RANBP2: variants seen among roughly 807,000 people sequenced by gnomAD.
RANBP2 encodes E3 SUMO-protein ligase RanBP2.
Under a neutral mutation model 303.6 loss-of-function variants are expected in RANBP2, and 57 were observed. The ratio of observed to expected loss-of-function variants is 0.19; its 90% CI spans 0.15 to 0.23. The LOEUF is 0.23. Among genes scored for constraint, RANBP2 ranks in the 10% least tolerant of loss-of-function variants. The pLI, the probability that RANBP2 is intolerant of heterozygous loss-of-function variation, is 1.00. For missense variants in RANBP2, 3,138 were observed against 3,780.8 expected (o/e 0.83, Z 4.46); for synonymous variants, 1,167 against 1,301.5 (o/e 0.90, Z 2.23).
the RANBP2 span, among the ~76,000 whole-genome samples, chr2:108,900,515 T>C: frequency 6.6e-6 from 1 of 150,538 alleles, no homozygotes; most frequent in Non-Finnish European, 1.5e-5. Flanking sequence ...GATCATGCCA[T>C]TGCACTCCAG....
At chr2:109,140,201 G>A in the RANBP2 span, among the ~76,000 whole-genome samples, 1 of 152,184 alleles carries the variant, frequency 6.6e-6, no homozygotes, top group East Asian at 1.9e-4. Flanking sequence ...CATATGGGTC[G>A]ATTGATGCAC....
chr2:108,781,235 T>A (rs749260326), intron 25 of RANBP2, 34 bp from the exon 26 acceptor site: 1 of 1,607,576 alleles, frequency 6.2e-7, no homozygotes, highest in Non-Finnish European at 8.5e-7. Flanking sequence ...AAAAAATAGA[T>A]ACTAGTGTTT....
chr2:109,760,116 G>A, the RANBP2 span, among the ~76,000 whole-genome samples: 3 of 134,836 alleles, frequency 2.2e-5, no homozygotes, highest in African/African-American at 8.5e-5. Context: ...ATGTCATAGT[G>A]ACTATATAAG....
intron 1 of RANBP2, among the ~76,000 whole-genome samples, chr2:108,720,877 C>T (rs960318919): frequency 6.6e-6 from 1 of 152,118 alleles, no homozygotes; most frequent in African/African-American, 2.4e-5. Context: ...GATACCTCGT[C>T]TCTACTAAAA....
the RANBP2 span, among the ~76,000 whole-genome samples, chr2:109,192,471 T>A: frequency 6.6e-6 from 1 of 152,258 alleles, no homozygotes; most frequent in African/African-American, 2.4e-5. Flanking sequence ...AAATTTAATT[T>A]GTATTAGCCT....
At chr2:108,744,681 A>G (rs1168892326) in intron 7 of RANBP2, among the ~76,000 whole-genome samples, 1 of 152,266 alleles carries the variant, frequency 6.6e-6, no homozygotes, top group Non-Finnish European at 1.5e-5. Flanking sequence ...ATTCAAAATC[A>G]GAAGCTTTTA....
At chr2:108,775,639 C>T in intron 23 of RANBP2, 93 bp from the exon 24 acceptor site, 2 of 1,365,810 alleles carry the variant, frequency 1.5e-6, no homozygotes, top group Non-Finnish European at 2.1e-6. Flanking sequence ...CTCCAGAAGC[C>T]CAAGTTCTCA....
At chr2:109,707,842 G>GTTGAATAATC in the RANBP2 span, among the ~76,000 whole-genome samples, 2 of 152,218 alleles carry the variant, frequency 1.3e-5, no homozygotes, top group East Asian at 3.8e-4. Context: ...ATGTTTAGAT[G>GTTGAATAATC]TAAATAAAAA....
the RANBP2 span, among the ~76,000 whole-genome samples, chr2:109,297,855 C>A: frequency 1.3e-5 from 2 of 152,214 alleles, no homozygotes; most frequent in South Asian, 2.1e-4. Context: ...TGGGCCAGTT[C>A]GCCCCACCCA....
At chr2:109,031,354 G>A in the RANBP2 span, among the ~76,000 whole-genome samples, 1 of 152,136 alleles carries the variant, frequency 6.6e-6, no homozygotes, top group African/African-American at 2.4e-5. Flanking sequence ...CTCTGCAGAA[G>A]GAGCGGAAGG....
Position 108,731,462 on chromosome 2 carries a change from T to A in RANBP2, c.393T>A (p.Ile131=). ...AAKLFPGSPA[I]YKLKEQLLDC... is the part of the protein sequence containing the mutation. ...AACTTTTCCCAGGAAGTCCTGCAAT[T>A]TATAAACTAAAGGTAAACAAACAAA... Residue 131 remains isoleucine, a synonymous_variant, in exon 4 of 29, where the codon ATT becomes ATA. Transcript: ENST00000283195. 6.2e-7 allele frequency: 1 copy of A among 1,611,446 alleles called. No individual in the cohort carries two copies. The highest frequency in any genetic ancestry group is 8.5e-7 in the Non-Finnish European group (1 of 1,179,516).
At chr2:108,897,302 T>A in the RANBP2 span, 1 of 1,368,102 alleles carries the variant, frequency 7.3e-7, no homozygotes, top group Non-Finnish European at 1.0e-6. Context: ...AAAAATTATT[T>A]AAATGAAATA....
chr2:109,195,000 A>G, the RANBP2 span, among the ~76,000 whole-genome samples: 4 of 152,186 alleles, frequency 2.6e-5, no homozygotes, highest in Admixed American at 2.6e-4. Context: ...TTTTGAGAAC[A>G]CACAGCTTTT....
At chr2:109,068,240 G>C in the RANBP2 span, among the ~76,000 whole-genome samples, 4 of 152,160 alleles carry the variant, frequency 2.6e-5, no homozygotes, top group Admixed American at 2.0e-4. Flanking sequence ...TCTCAACCAT[G>C]GGCCATCTGT....
the RANBP2 span, among the ~76,000 whole-genome samples, chr2:109,524,224 C>T: frequency 6.6e-6 from 1 of 151,254 alleles, no homozygotes; most frequent in East Asian, 2.0e-4. Context: ...TCCAAAGGCT[C>T]TAGCTGGTAG....
the RANBP2 span, among the ~76,000 whole-genome samples, chr2:109,169,788 A>G: frequency 2.6e-5 from 4 of 152,060 alleles, no homozygotes; most frequent in Non-Finnish European, 1.5e-5. Context: ...CCCCAAAATC[A>G]AATAGGCTGA....
At chr2:108,757,356 G>A (rs1346050386) in intron 17 of RANBP2, among the ~76,000 whole-genome samples, 4 of 152,206 alleles carry the variant, frequency 2.6e-5, no homozygotes, top group African/African-American at 7.2e-5. Context: ...AGGCAGCAGA[G>A]TTGTGTTAAG....
At chr2:109,352,738 C>T in the RANBP2 span, among the ~76,000 whole-genome samples, 3 of 152,174 alleles carry the variant, frequency 2.0e-5, no homozygotes, top group African/African-American at 4.8e-5. Flanking sequence ...CACCTGCAGC[C>T]ACCTCTGTGC....
At chr2:109,134,750 C>T in the RANBP2 span, among the ~76,000 whole-genome samples, 7 of 152,142 alleles carry the variant, frequency 4.6e-5, no homozygotes, top group African/African-American at 1.2e-4. Context: ...GTTGGTAGCA[C>T]GATTCTAAAC....
Sources: gnomAD v4.1 joint callset for allele counts (sites outside exome capture counted in the v4.1 genomes callset) on GRCh38, gnomAD v4.1.1 for gene constraint, MANE v1.5 for transcripts, NCBI Gene and HGNC (gene_info 2026-07-23, HGNC 2026-07-21) for gene names.